The following TCF7L2 variants were observed in gnomAD, a reference collection of about 807,000 sequenced individuals.
TCF7L2 encodes transcription factor 7 like 2.
A neutral mutation model predicts 77.9 loss-of-function variants in TCF7L2; 23 were observed. The observed-to-expected ratio is 0.30, with a 90% CI of 0.21 to 0.42. The LOEUF (loss-of-function observed/expected upper bound fraction) is 0.42, where lower values mean the gene tolerates loss of function less well. TCF7L2 is among the 10% of genes least tolerant of loss of function. The probability of loss-of-function intolerance (pLI) is 1.00; values close to 1 mark genes in which losing one functional copy is unlikely to be tolerated. For synonymous variants in TCF7L2, 413 were observed against 340.2 expected (o/e 1.21, Z -2.36); for missense variants, 654 against 793.1 (o/e 0.82, Z 2.11).
intron 10 of TCF7L2, 143 bp from the exon 11 acceptor site, chr10:113,152,190 A>G: frequency 1.2e-6 from 1 of 847,860 alleles, no homozygotes; most frequent in Non-Finnish European, 2.0e-6. Context: ...GACGGTCAGT[A>G]TGTACAGATT....
At chr10:113,146,445 C>A (rs1342147167) in intron 8 of TCF7L2, among the ~76,000 whole-genome samples, 1 of 152,084 alleles carries the variant, frequency 6.6e-6, no homozygotes, top group South Asian at 2.1e-4. Flanking sequence ...TATTATTATA[C>A]CAAGAAGAGT....
At chr10:113,056,946 T>C (rs181210807) in intron 5 of TCF7L2, among the ~76,000 whole-genome samples, 19 of 152,310 alleles carry the variant, frequency 1.2e-4, no homozygotes, top group Admixed American at 3.9e-4. Context: ...CTCTGCGTTT[T>C]CCAGGAAGCG....
At chr10:112,975,408 A>G (rs771106527) in intron 4 of TCF7L2, among the ~76,000 whole-genome samples, 2 of 152,156 alleles carry the variant, frequency 1.3e-5, no homozygotes, top group Non-Finnish European at 2.9e-5. Flanking sequence ...CACTGTTGAC[A>G]TTTTGGGCTG....
chr10:112,970,999 C>T (rs968582988), intron 4 of TCF7L2, among the ~76,000 whole-genome samples: 1 of 152,216 alleles, frequency 6.6e-6, no homozygotes, highest in Non-Finnish European at 1.5e-5. Flanking sequence ...AGGTAACTTG[C>T]TCAAGAGGTT....
chr10:113,053,852 G>A (rs1040958342), intron 5 of TCF7L2, among the ~76,000 whole-genome samples: 1 of 152,228 alleles, frequency 6.6e-6, no homozygotes, highest in Admixed American at 6.5e-5. Context: ...GGCAGATGAG[G>A]AAACTGAGGC....
At chr10:113,108,660 C>G (rs1056407168) in intron 5 of TCF7L2, among the ~76,000 whole-genome samples, 1 of 152,188 alleles carries the variant, frequency 6.6e-6, no homozygotes, top group South Asian at 2.1e-4. Context: ...GCGGGGCGCC[C>G]CCTGCAGTAT....
intron 5 of TCF7L2, among the ~76,000 whole-genome samples, chr10:113,059,670 A>G (rs2056094996): frequency 6.6e-6 from 1 of 152,182 alleles, no homozygotes; most frequent in African/African-American, 2.4e-5. Context: ...AGTCTTGTTC[A>G]CTGGACAATG....
chr10:113,157,472 T>C (rs1457559184), intron 11 of TCF7L2, among the ~76,000 whole-genome samples: 1 of 152,202 alleles, frequency 6.6e-6, no homozygotes, highest in Non-Finnish European at 1.5e-5. Context: ...TTCACCCTTT[T>C]CCCCTGCATC....
At chr10:112,998,082 G>T (rs1307389600) in intron 4 of TCF7L2, among the ~76,000 whole-genome samples, 1 of 151,790 alleles carries the variant, frequency 6.6e-6, no homozygotes, top group African/African-American at 2.4e-5. Context: ...GGGGAGGAGG[G>T]GCCCAGGTTC....
At chr10:113,153,392 C>T (rs2071168964) in intron 11 of TCF7L2, among the ~76,000 whole-genome samples, 1 of 152,248 alleles carries the variant, frequency 6.6e-6, no homozygotes, top group Admixed American at 6.5e-5. Context: ...AACACCAAAA[C>T]TTGTCTTAAG....
At position 113,073,129 on chromosome 10, in the gene TCF7L2, T is replaced by TGTGTGTGTGTGAGAGA. The variant is rs56927661; in HGVS notation, c.552+33004_552+33005insTGTGTGTGTGAGAGAG. 6.6e-3 allele frequency among the ~76,000 whole-genome samples: 814 copies of TGTGTGTGTGTGAGAGA among 123,490 alleles called. 4 individuals are homozygous for TGTGTGTGTGTGAGAGA. Among genetic ancestry groups the TGTGTGTGTGTGAGAGA allele is most frequent in the Non-Finnish European group, 9.9e-3 (586 of 59,430 alleles). 81.0% of individuals were successfully genotyped at this position (123,490 alleles called of 152,430 possible). The stretch of plus-strand genomic sequence containing the variant: ...GTGTGTGTGTGTGTGTGTGTGTGTG[T>TGTGTGTGTGTGAGAGA]GAGAGAGAGAGAGAGAGAGAGACAG... On this transcript the variant is annotated intron_variant, in intron 5 of 13. Transcript: ENST00000627217.
At chr10:113,076,937 C>T in intron 5 of TCF7L2, among the ~76,000 whole-genome samples, 1 of 152,208 alleles carries the variant, frequency 6.6e-6, no homozygotes, top group East Asian at 1.9e-4. Flanking sequence ...GAATTTCATG[C>T]TATTAAGAAT....
chr10:113,089,746 G>A (rs2060178562), intron 5 of TCF7L2, among the ~76,000 whole-genome samples: 1 of 152,190 alleles, frequency 6.6e-6, no homozygotes, highest in South Asian at 2.1e-4. Flanking sequence ...TGTTTACAAG[G>A]AGAGGGTGGA....
chr10:113,098,078 A>G (rs1363709053), intron 5 of TCF7L2, among the ~76,000 whole-genome samples: 1 of 150,242 alleles, frequency 6.7e-6, no homozygotes, highest in Non-Finnish European at 1.5e-5. Flanking sequence ...AAAAAAGAAG[A>G]AGAAGAAGAA....
At chr10:112,993,567 T>C (rs1023746756) in intron 4 of TCF7L2, among the ~76,000 whole-genome samples, 2 of 152,090 alleles carry the variant, frequency 1.3e-5, no homozygotes, top group Non-Finnish European at 2.9e-5. Context: ...CTGCTTTGCA[T>C]TGGGCCTCTG....
intron 5 of TCF7L2, among the ~76,000 whole-genome samples, chr10:113,070,234 G>A (rs1019575748): frequency 1.4e-5 from 2 of 141,106 alleles, no homozygotes; most frequent in East Asian, 2.1e-4. Context: ...CCAGCCTGGC[G>A]ACAGAGTGAG....
At chr10:113,119,694 C>A (rs955187462) in intron 5 of TCF7L2, among the ~76,000 whole-genome samples, 1 of 150,672 alleles carries the variant, frequency 6.6e-6, no homozygotes, top group African/African-American at 2.5e-5. Context: ...AAAAACTTAT[C>A]GAAGGTTTCA....
intron 4 of TCF7L2, among the ~76,000 whole-genome samples, chr10:113,001,128 G>A (rs1449905448): frequency 6.6e-6 from 1 of 152,200 alleles, no homozygotes; most frequent in African/African-American, 2.4e-5. Flanking sequence ...GCTGGGGAAT[G>A]TGCTGGCTTG....
At chr10:112,978,137 G>T (rs776873108) in intron 4 of TCF7L2, among the ~76,000 whole-genome samples, 3 of 152,038 alleles carry the variant, frequency 2.0e-5, no homozygotes, top group Non-Finnish European at 4.4e-5. Context: ...GATATCTTGG[G>T]GCATTTGATT....
Sources: allele counts gnomAD v4.1 joint callset (sites outside exome capture counted in the v4.1 genomes callset), GRCh38; gene constraint gnomAD v4.1.1; transcripts MANE v1.5; gene names NCBI Gene and HGNC (gene_info 2026-07-23, HGNC 2026-07-21).